EAF1: variants seen among roughly 807,000 people sequenced by gnomAD.
EAF1 encodes ELL-associated factor 1.
EAF1 carries 19 observed loss-of-function variants against 26.6 expected under a neutral mutation model. The ratio of observed to expected loss-of-function variants is 0.71; its 90% CI spans 0.50 to 1.05. The LOEUF is 1.05. Among genes scored for constraint, EAF1 ranks in the 50% least tolerant of loss-of-function variants. The pLI is 0.00. For synonymous variants in EAF1, 102 were observed against 120.6 expected (o/e 0.85, Z 1.01); for missense variants, 260 against 335.5 (o/e 0.78, Z 1.76).
Position 15,436,482 on chromosome 3 carries a change from C to T in EAF1, c.667C>T (p.Gln223Ter). The T allele has an allele frequency of 6.2e-7, 1 of 1,612,560 alleles. No individual in the cohort carries two copies. The highest frequency in any genetic ancestry group is 8.5e-7 in the Non-Finnish European group (1 of 1,178,624). The change falls in exon 5 of 6, where the codon CAG becomes TAG. Residue 223 changes from glutamine to a stop codon, truncating the protein, a stop_gained. Coordinates refer to ENST00000396842, the MANE Select transcript of EAF1 (RefSeq NM_033083.7). LOFTEE classifies it high-confidence loss of function. Reference sequence around the variant, plus strand: ...GGACAATGGCCCAGCCTCTCCTCCGCAGCCTTCACACCAGCAGCCCTACAA... The same window carrying T: ...GGACAATGGCCCAGCCTCTCCTCCGTAGCCTTCACACCAGCAGCCCTACAA... ...GEDNGPASPP[Q>*]PSHQQPYNSR...
chr3:15,430,154 T>A, intron 2 of EAF1, 147 bp downstream of exon 2: 2 of 608,668 alleles, frequency 3.3e-6, no homozygotes, highest in South Asian at 4.1e-5. Context: ...GGGAGTGGGG[T>A]GGGGTGGACT....
In EAF1 at chr3:15,427,629, G is replaced by C. The variant is rs548505049; in HGVS notation, c.-151G>C. On this transcript the variant is annotated 5_prime_UTR_variant, in exon 1 of 6. Transcript: ENST00000396842. Reference sequence around the variant, plus strand: ...CACCCCCACGCAGAGGAGAGAACTTGCTTCTGGACCCGGGTGGGTGCCGGC... The same window carrying C: ...CACCCCCACGCAGAGGAGAGAACTTCCTTCTGGACCCGGGTGGGTGCCGGC... The C allele has an allele frequency of 1.5e-4, 109 of 737,324 alleles. No individual in the cohort carries two copies. In the East Asian group the frequency reaches 2.9e-3, roughly 20 times the overall value. The allele number at this position is 737,324 out of a possible 1,614,324, so 45.7% of individuals were successfully genotyped here.
intron 3 of EAF1, chr3:15,433,061 A>G (rs1263750219): frequency 1.3e-5 from 2 of 151,914 alleles, no homozygotes; most frequent in Non-Finnish European, 1.5e-5. Context: ...GTTTTATCTA[A>G]CAAGTAATTT....
intron 3 of EAF1, chr3:15,433,197 T>C (rs1325852926): frequency 2.7e-5 from 4 of 147,324 alleles, no homozygotes; most frequent in African/African-American, 1.0e-4. Flanking sequence ...TTTTAGTATA[T>C]GTGCTGCCGA....
chr3:15,436,678 G>C, intron 5 of EAF1, 103 bp downstream of exon 5: 3 of 982,136 alleles, frequency 3.1e-6, no homozygotes, highest in South Asian at 4.8e-5. Context: ...AGGCATGGGA[G>C]AGGATCTTGT....
chr3:15,438,497 T>C (rs886835429), intron 5 of EAF1: 1 of 151,912 alleles, frequency 6.6e-6, no homozygotes, highest in Non-Finnish European at 1.5e-5. Flanking sequence ...TGATCAGTTA[T>C]TTTAAATATT....
At chr3:15,436,250 G>C (rs2061833925) in intron 4 of EAF1, 92 bp from the exon 5 acceptor site, 2 of 896,918 alleles carry the variant, frequency 2.2e-6, no homozygotes, top group Admixed American at 3.0e-5. Flanking sequence ...TCTTATTGCT[G>C]TTGGTTTTGC....
chr3:15,439,020 C>A, intron 5 of EAF1, 89 bp from the exon 6 acceptor site: 1 of 1,286,574 alleles, frequency 7.8e-7, no homozygotes, highest in Non-Finnish European at 1.1e-6. Flanking sequence ...ATAGCCAAGG[C>A]AATTAACAAA....
At chr3:15,431,760 A>G (rs2061803533) in intron 2 of EAF1, among the ~76,000 whole-genome samples, 1 of 152,224 alleles carries the variant, frequency 6.6e-6, no homozygotes, top group Non-Finnish European at 1.5e-5. Context: ...GATCACTCAC[A>G]GTTTTACTAT....
Position 15,436,387 on chromosome 3 carries a change from G to A in EAF1, c.572G>A (p.Ser191Asn), listed in dbSNP as rs765132915. Reference sequence around the variant, plus strand: ...ATTATTGAACAAATGAGCAGCAGCAGTGGGAGCAGCTCTTCAGACTCTGAG... The same window carrying A: ...ATTATTGAACAAATGAGCAGCAGCAATGGGAGCAGCTCTTCAGACTCTGAG... ...VDIIEQMSSS[S>N]GSSSSDSESS... The change falls in exon 5 of 6, where the codon AGT becomes AAT. Residue 191 changes from serine (S) to asparagine (N), a missense_variant. Ser to Asn is a conservative substitution (Grantham distance 46, BLOSUM62 1). Transcript: ENST00000396842. The A allele has an allele frequency of 6.2e-7, 1 of 1,613,600 alleles. No individual in the cohort carries two copies. Among genetic ancestry groups the A allele is most frequent in the East Asian group, 2.2e-5 (1 of 44,870 alleles).
intron 5 of EAF1, among the ~76,000 whole-genome samples, chr3:15,437,876 G>A (rs2061844496): frequency 6.6e-6 from 1 of 152,082 alleles, no homozygotes; most frequent in South Asian, 2.1e-4. Context: ...AGGTTGTCCT[G>A]CACATTGTAG....
rs1459108177 is a variant in EAF1, at chr3:15,441,971, CTTAA to C, written c.*2821_*2824del. On this transcript the variant is annotated 3_prime_UTR_variant, in exon 6 of 6. Coordinates refer to ENST00000396842, the MANE Select transcript of EAF1 (RefSeq NM_033083.7). ...TGGGTCATTTAGATGAGATGAAAAACTTAATTAAATCTGAAGTGTCAGAGGCGCT... is the reference window on the plus strand; with the variant it reads ...TGGGTCATTTAGATGAGATGAAAAACTTAAATCTGAAGTGTCAGAGGCGCT... 6.6e-6 allele frequency: 1 copy of C among 152,586 alleles called. No homozygotes were observed. The highest frequency in any genetic ancestry group is 2.4e-5 in the African/African-American group (1 of 41,424). 9.5% of individuals were successfully genotyped at this position (152,586 alleles called of 1,614,324 possible).
intron 4 of EAF1, among the ~76,000 whole-genome samples, chr3:15,434,924 A>G (rs904231698): frequency 2.6e-5 from 4 of 152,210 alleles, no homozygotes; most frequent in African/African-American, 9.6e-5. Context: ...CTACATTAGT[A>G]TATAGGCTGG....
At chr3:15,429,719 C>G (rs2061791444) in intron 1 of EAF1, among the ~76,000 whole-genome samples, 194 bp from the exon 2 acceptor site, 1 of 152,092 alleles carries the variant, frequency 6.6e-6, no homozygotes, top group African/African-American at 2.4e-5. Flanking sequence ...AATGGTATAC[C>G]AGGTCTCATT....
At chr3:15,437,309 G>A (rs1252572538) in intron 5 of EAF1, among the ~76,000 whole-genome samples, 18 of 146,160 alleles carry the variant, frequency 1.2e-4, no homozygotes, top group East Asian at 1.0e-3. Flanking sequence ...GGAGTGCAGC[G>A]GCATGATCCT....
rs146615412 is a variant in EAF1 at position 15,427,607 on chromosome 3, C to A, written c.-173C>A. 1.3e-4 allele frequency: 84 copies of A among 627,712 alleles called. 1 individual carries two copies. The African/African-American group carries it at 1.4e-3, about 11-fold the overall frequency. The allele number at this position is 627,712 out of a possible 1,614,324, so 38.9% of individuals were successfully genotyped here. ...TTGCCTCCTCAGATTCCTCTCTCAC[C>A]CCCACGCAGAGGAGAGAACTTGCTT... On this transcript the variant is annotated 5_prime_UTR_variant, in exon 1 of 6. Coordinates refer to ENST00000396842, the MANE Select transcript of EAF1 (RefSeq NM_033083.7).
At position 15,442,049 on chromosome 3, in the gene EAF1, C is replaced by G. The variant is rs1233213337; in HGVS notation, c.*2894C>G. The G allele has an allele frequency of 6.6e-6, 1 of 152,504 alleles. No homozygotes were observed. The highest frequency in any genetic ancestry group is 1.5e-5 in the Non-Finnish European group (1 of 68,038). The allele number at this position is 152,504 out of a possible 1,614,324, so 9.4% of individuals were successfully genotyped here. ...ATTGAAGAAACTTAATACAAATGAA[C>G]TAGAGGTTTGTAATCATGCCACTCA... On this transcript the variant is annotated 3_prime_UTR_variant, in exon 6 of 6. Coordinates refer to ENST00000396842, the MANE Select transcript of EAF1 (RefSeq NM_033083.7).
rs2061805855 is a variant in EAF1, at chr3:15,432,197, T to C, written c.309T>C (p.Ser103=). ...DTGEYVLEKL[S]SSIQVKKTRA... is the part of the protein sequence containing the mutation. ...GTGAATATGTGCTGGAAAAACTCAGTAGCAGCATTCAGGTGAAGAAAACAA... is the reference window on the plus strand; with the variant it reads ...GTGAATATGTGCTGGAAAAACTCAGCAGCAGCATTCAGGTGAAGAAAACAA... The change falls in exon 3 of 6, where the codon AGT becomes AGC. Residue 103 remains serine (S), a synonymous_variant. Transcript: ENST00000396842. 6.2e-7 allele frequency: 1 copy of C among 1,614,036 alleles called. No homozygotes were observed. The highest frequency in any genetic ancestry group is 8.5e-7 in the Non-Finnish European group (1 of 1,180,018).
In EAF1 at chr3:15,434,435, A is replaced by G. The variant is rs2061822165; in HGVS notation, c.423A>G (p.Pro141=). 6.2e-7 allele frequency: 1 copy of G among 1,613,982 alleles called. No homozygotes were observed. Among genetic ancestry groups the G allele is most frequent in the Admixed American group, 1.7e-5 (1 of 59,982 alleles). The stretch of plus-strand genomic sequence containing the variant: ...CGTCACAGCCACCACCACCTCCACC[A>G]CCTATGCCATTCAGAGCTCCAACGA... ...PQTSQPPPPP[P]PMPFRAPTKP... is the part of the protein sequence containing the mutation. Residue 141 remains proline, a synonymous_variant, in exon 4 of 6, where the codon CCA becomes CCG. Coordinates refer to ENST00000396842, the MANE Select transcript of EAF1 (RefSeq NM_033083.7).
Sources: allele counts gnomAD v4.1 joint callset (sites outside exome capture counted in the v4.1 genomes callset), GRCh38; gene constraint gnomAD v4.1.1; transcripts MANE v1.5; gene names NCBI Gene and HGNC (gene_info 2026-07-23, HGNC 2026-07-21).